Variants in PIK3C3 observed in about 807,000 individuals in gnomAD.
PIK3C3 encodes the protein phosphatidylinositol 3-kinase catalytic subunit type 3, also known as PI3-kinase type 3.
A neutral mutation model predicts 126.1 loss-of-function variants in PIK3C3; 95 were observed. That is an observed-to-expected ratio of 0.75 (90% CI 0.64 to 0.89). The LOEUF (loss-of-function observed/expected upper bound fraction) is 0.89, where lower values mean the gene tolerates loss of function less well. Ranked by LOEUF, PIK3C3 falls within the 40% of genes least tolerant of loss-of-function variation. The pLI is 0.00. For synonymous variants in PIK3C3, 374 were observed against 360.0 expected, an observed-to-expected ratio of 1.04 and a Z score of -0.44; for missense variants, 829 against 1,063.2, an observed-to-expected ratio of 0.78 and a Z score of 3.06.
rs1203310664 is a variant in PIK3C3 at position 42,084,456 on chromosome 18, T to A, written c.*3319T>A. 3 of 151,904 alleles carry A rather than the reference T, an allele frequency of 2.0e-5. No homozygotes were observed. Among genetic ancestry groups the A allele is most frequent in the East Asian group, 3.9e-4 (2 of 5,180 alleles). The allele number at this position is 151,904 out of a possible 1,614,324, so 9.4% of individuals were successfully genotyped here. On this transcript the variant is annotated 3_prime_UTR_variant, in exon 25 of 25. Coordinates refer to ENST00000262039, the MANE Select transcript of PIK3C3 (RefSeq NM_002647.4). The stretch of plus-strand genomic sequence containing the variant: ...TACTGATTTGCCAAAATGAGTAATT[T>A]TGATATATTAATATTTCACTTATAA...
chr18:42,029,127 G>C (rs1386191758), intron 14 of PIK3C3, among the ~76,000 whole-genome samples, 198 bp from the exon 15 acceptor site: 1 of 152,172 alleles, frequency 6.6e-6, no homozygotes, highest in Non-Finnish European at 1.5e-5. Flanking sequence ...GATAATTTTC[G>C]ATTGTGGATG....
intron 4 of PIK3C3, among the ~76,000 whole-genome samples, chr18:41,982,444 GTTAAA>G (rs1395072947): frequency 3.3e-5 from 5 of 152,132 alleles, no homozygotes; most frequent in African/African-American, 9.7e-5. Flanking sequence ...AGGTGGTTAA[GTTAAA>G]TTAATGAGAT....
chr18:41,981,289 C>T (rs909591851), intron 4 of PIK3C3, among the ~76,000 whole-genome samples: 1 of 152,070 alleles, frequency 6.6e-6, no homozygotes, highest in African/African-American at 2.4e-5. Context: ...TTGCCAGTGC[C>T]CTAAAACAGT....
intron 20 of PIK3C3, among the ~76,000 whole-genome samples, chr18:42,047,663 C>G (rs1304444271): frequency 1.3e-5 from 2 of 152,150 alleles, no homozygotes; most frequent in East Asian, 3.8e-4. Flanking sequence ...TTATGTTCAT[C>G]AATACACTAG....
intron 9 of PIK3C3, among the ~76,000 whole-genome samples, chr18:42,001,416 CTG>C (rs1344163139): frequency 6.6e-6 from 1 of 152,196 alleles, no homozygotes; most frequent in African/African-American, 2.4e-5. Context: ...CTCCAGTAAT[CTG>C]TGGAAGTTAC....
At chr18:42,044,810 A>G (rs919400657) in intron 20 of PIK3C3, among the ~76,000 whole-genome samples, 3 of 152,200 alleles carry the variant, frequency 2.0e-5, no homozygotes, top group African/African-American at 7.2e-5. Flanking sequence ...GCCCTGAATG[A>G]CAGGATGTAT....
chr18:42,021,874 A>G (rs1457469918), intron 13 of PIK3C3, among the ~76,000 whole-genome samples: 2 of 152,214 alleles, frequency 1.3e-5, no homozygotes, highest in Non-Finnish European at 2.9e-5. Context: ...AAAAATCAAA[A>G]AAAACTAGAA....
intron 10 of PIK3C3, among the ~76,000 whole-genome samples, chr18:42,010,889 G>A (rs758733320): frequency 1.3e-5 from 2 of 152,242 alleles, no homozygotes; most frequent in Middle Eastern, 3.4e-3. Flanking sequence ...CTTGAAAGTC[G>A]AAATGACTTC....
intron 16 of PIK3C3, among the ~76,000 whole-genome samples, chr18:42,034,789 A>C: frequency 6.6e-6 from 1 of 152,200 alleles, no homozygotes; most frequent in East Asian, 1.9e-4. Flanking sequence ...AGTTGCATTG[A>C]ATATTACTTT....
At chr18:42,016,033 G>A (rs533539809) in intron 12 of PIK3C3, among the ~76,000 whole-genome samples, 1 of 152,064 alleles carries the variant, frequency 6.6e-6, no homozygotes, top group Non-Finnish European at 1.5e-5. Context: ...AAGTACTTTG[G>A]AAAGTGCATT....
intron 3 of PIK3C3, among the ~76,000 whole-genome samples, chr18:41,967,876 T>A (rs1047065897): frequency 2.0e-5 from 3 of 152,230 alleles, no homozygotes; most frequent in African/African-American, 4.8e-5. Context: ...CAACAGCAGC[T>A]GTTGCTGGGG....
At chr18:41,973,184 T>G (rs1200798204) in intron 4 of PIK3C3, among the ~76,000 whole-genome samples, 1 of 152,120 alleles carries the variant, frequency 6.6e-6, no homozygotes, top group East Asian at 1.9e-4. Context: ...TTTGCAACTT[T>G]GAATGTATTG....
At position 42,008,736 on chromosome 18, in the gene PIK3C3, G is replaced by A. The variant is rs114612726; in HGVS notation, c.1170+4195G>A. 3.0e-3 allele frequency among the ~76,000 whole-genome samples: 463 copies of A among 151,888 alleles called. 4 individuals carry two copies. The highest frequency in any genetic ancestry group is 9.1e-3 in the African/African-American group (378 of 41,422). The stretch of plus-strand genomic sequence containing the variant: ...ATGCTTATGTCCTTCATGCTTGGAG[G>A]ACTTTTATATTTTTCAAGACATGAG... On this transcript the variant is annotated intron_variant, in intron 10 of 24. Transcript: ENST00000262039.
chr18:42,027,328 A>G (rs1567989589), intron 13 of PIK3C3, 115 bp from the exon 14 acceptor site: 2 of 476,740 alleles, frequency 4.2e-6, no homozygotes, highest in East Asian at 3.7e-5. Context: ...TATTACTCCA[A>G]TTTTATTATT....
chr18:42,046,394 A>G (rs1006942305), intron 20 of PIK3C3, among the ~76,000 whole-genome samples: 1 of 152,200 alleles, frequency 6.6e-6, no homozygotes, highest in Non-Finnish European at 1.5e-5. Context: ...AGTGTATATC[A>G]TGCAGCTAAA....
chr18:42,021,732 A>G (rs1983331281), intron 13 of PIK3C3, among the ~76,000 whole-genome samples: 1 of 152,226 alleles, frequency 6.6e-6, no homozygotes, highest in Admixed American at 6.5e-5. Context: ...CAAATCCAAA[A>G]ATTTGAAATC....
At chr18:42,044,790 C>G (rs966179241) in intron 20 of PIK3C3, among the ~76,000 whole-genome samples, 1 of 152,026 alleles carries the variant, frequency 6.6e-6, no homozygotes, top group Admixed American at 6.6e-5. Context: ...GGAGTTGACA[C>G]TAGAGTTGAG....
intron 15 of PIK3C3, among the ~76,000 whole-genome samples, chr18:42,031,703 C>T (rs965260707): frequency 1.3e-5 from 2 of 152,190 alleles, no homozygotes; most frequent in African/African-American, 4.8e-5. Flanking sequence ...AGGCATGAGC[C>T]ACTGTGCCTG....
chr18:41,987,437 C>T (rs775772412), intron 4 of PIK3C3, among the ~76,000 whole-genome samples: 1 of 151,890 alleles, frequency 6.6e-6, no homozygotes, highest in East Asian at 1.9e-4. Context: ...TGGTTAGATA[C>T]ATTGAAAGAT....
Sources: allele counts gnomAD v4.1 joint callset (sites outside exome capture counted in the v4.1 genomes callset), GRCh38; gene constraint gnomAD v4.1.1; transcripts MANE v1.5; gene names NCBI Gene and HGNC (gene_info 2026-07-23, HGNC 2026-07-21).